TADA2A: variants seen among roughly 807,000 people sequenced by gnomAD.
The protein encoded by TADA2A is transcriptional adaptor 2A.
Under a neutral mutation model 67.4 loss-of-function variants are expected in TADA2A, and 38 were observed. The ratio of observed to expected loss-of-function variants is 0.56; its 90% CI spans 0.44 to 0.74. TADA2A has a LOEUF of 0.74. TADA2A is among the 30% of genes least tolerant of loss of function. TADA2A has a pLI of 0.00. For synonymous variants in TADA2A, 192 were observed against 181.6 expected (o/e 1.06, Z -0.46); for missense variants, 454 against 547.0 (o/e 0.83, Z 1.70).
At chr17:37,442,515 C>G in intron 6 of TADA2A, 49 bp from the exon 7 acceptor site, 1 of 1,397,376 alleles carries the variant, frequency 7.2e-7, no homozygotes, top group Non-Finnish European at 1.0e-6. Context: ...TCATTTTTTT[C>G]ATGCCAATAT....
In TADA2A at chr17:37,440,614, A is replaced by C. The variant is rs749490492; in HGVS notation, c.394A>C (p.Lys132Gln). 2.5e-6 allele frequency: 4 copies of C among 1,614,088 alleles called. No homozygotes were observed. The African/African-American group carries it at 4.0e-5, about 16-fold the overall frequency. The change falls in exon 6 of 16, where the codon AAA (lysine) becomes CAA (glutamine). Residue 132 changes from lysine (K) to glutamine (Q), a missense_variant. Physicochemically the swap from Lys to Gln is moderately conservative, Grantham distance 53. Around this residue, in one of 2 missense-constraint regions of TADA2A, gnomAD observed 403 missense variants for 455.5 expected, o/e 0.88. Coordinates refer to ENST00000615182, the MANE Select transcript of TADA2A (RefSeq NM_001166105.3). ...PLFASTLLNL[K>Q]QAEEAKTADT... is the part of the protein sequence containing the mutation. ...GTTTGCATCTACCCTGCTGAACCTG[A>C]AACAAGCAGAGGAAGCAAAAACTGC...
chr17:37,462,135 G>C lies in TADA2A; in HGVS notation c.712+14G>C, dbSNP rs1047709221. On this transcript the variant is annotated intron_variant, in intron 10 of 15. Transcript: ENST00000615182. ...GAAAGTTTCAATGTAAGTATTAGCAGTTTTCTTTATTTTACAATTTTTTTC... is the reference window on the plus strand; with the variant it reads ...GAAAGTTTCAATGTAAGTATTAGCACTTTTCTTTATTTTACAATTTTTTTC... The C allele has an allele frequency of 1.3e-6, 2 of 1,506,118 alleles. No individual in the cohort carries two copies. The highest frequency in any genetic ancestry group is 2.4e-5 in the South Asian group (2 of 82,406). The allele number at this position is 1,506,118 out of a possible 1,614,324, so 93.3% of individuals were successfully genotyped here.
intron 5 of TADA2A, among the ~76,000 whole-genome samples, chr17:37,438,328 G>C (rs1222253560): frequency 1.3e-5 from 2 of 152,180 alleles, no homozygotes; most frequent in Non-Finnish European, 2.9e-5. Context: ...ACTTATTGCT[G>C]TTGACCTAGG....
At position 37,456,309 on chromosome 17, in the gene TADA2A, G is replaced by A. The variant is rs553199699; in HGVS notation, c.605-2215G>A. 7.9e-5 allele frequency among the ~76,000 whole-genome samples: 12 copies of A among 152,334 alleles called. No individual in the cohort carries two copies. In the East Asian group the frequency reaches 1.2e-3, roughly 15 times the overall value. On this transcript the variant is annotated intron_variant, in intron 8 of 15. Coordinates refer to ENST00000615182, the MANE Select transcript of TADA2A (RefSeq NM_001166105.3). ...ATGGGAAGCCACTGAAGAATTATAA[G>A]CAAGGGAATTACACCATTACATTGT...
At chr17:37,416,120 ATTT>A (rs34824290) in intron 2 of TADA2A, among the ~76,000 whole-genome samples, 2 of 139,128 alleles carry the variant, frequency 1.4e-5, no homozygotes, top group Non-Finnish European at 1.6e-5. Flanking sequence ...CTCCCTCTCA[ATTT>A]TTTTTTTTTT....
At chr17:37,418,522 G>A (rs533748290) in intron 2 of TADA2A, among the ~76,000 whole-genome samples, 1 of 151,972 alleles carries the variant, frequency 6.6e-6, no homozygotes, top group South Asian at 2.1e-4. Flanking sequence ...AGGTCAATGT[G>A]TATTGTCATG....
chr17:37,441,950 G>A (rs1474933296), intron 6 of TADA2A, among the ~76,000 whole-genome samples: 2 of 152,176 alleles, frequency 1.3e-5, no homozygotes, highest in Non-Finnish European at 2.9e-5. Context: ...ACAGGTGTGA[G>A]CCACCGTGCC....
chr17:37,466,058 T>C (rs1363650648), intron 11 of TADA2A, among the ~76,000 whole-genome samples: 2 of 152,202 alleles, frequency 1.3e-5, no homozygotes, highest in African/African-American at 4.8e-5. Context: ...ATCGATCTCT[T>C]GCCTTTCTGT....
intron 13 of TADA2A, among the ~76,000 whole-genome samples, 175 bp downstream of exon 13, chr17:37,470,707 A>G (rs751410835): frequency 6.6e-6 from 1 of 151,970 alleles, no homozygotes; most frequent in Non-Finnish European, 1.5e-5. Flanking sequence ...TTGAGAAATA[A>G]CTGACCTCCT....
At chr17:37,407,451 C>T (rs1433947902) in intron 1 of TADA2A, 2 of 152,282 alleles carry the variant, frequency 1.3e-5, no homozygotes, top group African/African-American at 4.8e-5. Flanking sequence ...TTTCCTCCTC[C>T]CAACGTGGAC....
chr17:37,419,686 GA>G lies in TADA2A; in HGVS notation c.26-3822del, dbSNP rs572333727. Among the ~76,000 whole-genome samples, 143 of 143,690 alleles carry G rather than the reference GA, an allele frequency of 1.0e-3. 6 individuals carry two copies. Among genetic ancestry groups the G allele is most frequent in the African/African-American group, 3.5e-3 (138 of 39,778 alleles). 94.3% of individuals were successfully genotyped at this position (143,690 alleles called of 152,430 possible). A position where few individuals can be genotyped will look rare whatever the true frequency, so the allele number is the denominator to read the frequency against. ...CCAGCTACTTGGGAGGCTGAGGCAT[GA>G]GAATTGCTTGAACGTGGGAGGCAGA... is the stretch of plus-strand genomic sequence containing the variant. On this transcript the variant is annotated intron_variant, in intron 2 of 15. Transcript: ENST00000615182.
intron 8 of TADA2A, among the ~76,000 whole-genome samples, chr17:37,455,826 C>A (rs902392105): frequency 6.6e-6 from 1 of 152,114 alleles, no homozygotes; most frequent in Non-Finnish European, 1.5e-5. Context: ...ATTTTTGGAT[C>A]CCTGCTGTGT....
intron 11 of TADA2A, among the ~76,000 whole-genome samples, chr17:37,467,034 G>A (rs2053679083): frequency 6.6e-6 from 1 of 152,084 alleles, no homozygotes; most frequent in Non-Finnish European, 1.5e-5. Flanking sequence ...GTAGATGCCT[G>A]TAATCCCAGC....
chr17:37,462,360 G>A (rs772185708), intron 10 of TADA2A, among the ~76,000 whole-genome samples: 13 of 152,070 alleles, frequency 8.5e-5, no homozygotes, highest in Non-Finnish European at 1.2e-4. Flanking sequence ...CAGGCGCGGT[G>A]GCTCTTGCCT....
chr17:37,421,940 G>C (rs1208283361), intron 2 of TADA2A, among the ~76,000 whole-genome samples: 1 of 145,386 alleles, frequency 6.9e-6, no homozygotes, highest in Non-Finnish European at 1.5e-5. Context: ...GTGCAGTGGC[G>C]TGATCTCGGA....
chr17:37,416,724 G>T (rs953765091), intron 2 of TADA2A, among the ~76,000 whole-genome samples: 64 of 152,024 alleles, frequency 4.2e-4, no homozygotes, highest in African/African-American at 1.4e-3. Context: ...AATTAGCTGG[G>T]CATGGTGGCA....
chr17:37,459,234 C>T (rs564274230), intron 9 of TADA2A, among the ~76,000 whole-genome samples: 3 of 142,922 alleles, frequency 2.1e-5, no homozygotes, highest in Non-Finnish European at 4.5e-5. Flanking sequence ...GGCATCAAGA[C>T]AGTATTGTTA....
chr17:37,475,468 A>T lies in TADA2A; in HGVS notation c.1146+839A>T, dbSNP rs542332447. Among the ~76,000 whole-genome samples, 10 of 145,920 alleles carry T rather than the reference A, an allele frequency of 6.9e-5. No individual in the cohort carries two copies. The East Asian group carries it at 2.1e-3, about 30-fold the overall frequency. ...TGGGATTACAGGCGTGAGCCACCTCACCCGGCCTATTTTTTATTTTTTATT... is the reference window on the plus strand; with the variant it reads ...TGGGATTACAGGCGTGAGCCACCTCTCCCGGCCTATTTTTTATTTTTTATT... On this transcript the variant is annotated intron_variant, in intron 15 of 15. Transcript: ENST00000615182.
chr17:37,415,169 A>G (rs1051710996), intron 2 of TADA2A, among the ~76,000 whole-genome samples: 2 of 152,142 alleles, frequency 1.3e-5, no homozygotes, highest in Non-Finnish European at 2.9e-5. Flanking sequence ...GGCACAAGCC[A>G]CCGTGCCTGG....
Sources: gnomAD v4.1 joint callset for allele counts (sites outside exome capture counted in the v4.1 genomes callset) on GRCh38, gnomAD v4.1.1 for gene constraint, gnomAD v4.1.1 regional missense constraint, MANE v1.5 for transcripts, NCBI Gene and HGNC (gene_info 2026-07-23, HGNC 2026-07-21) for gene names.